R3HDM1: variants seen among roughly 807,000 people sequenced by gnomAD.
R3HDM1 encodes the protein R3H domain containing 1, also known as R3H domain-containing protein 1.
A neutral mutation model predicts 141.1 loss-of-function variants in R3HDM1; 46 were observed. The ratio of observed to expected loss-of-function variants is 0.33; its 90% CI spans 0.26 to 0.42. The LOEUF (loss-of-function observed/expected upper bound fraction) is 0.42, where lower values mean the gene tolerates loss of function less well. Ranked by LOEUF, R3HDM1 falls within the 10% of genes least tolerant of loss-of-function variation. R3HDM1 has a pLI of 1.00. For missense variants in R3HDM1, 1,184 were observed against 1,368.3 expected (o/e 0.87, Z 2.12); for synonymous variants, 435 against 472.9 (o/e 0.92, Z 1.04).
chr2:135,613,282 G>C (rs1450353624), intron 3 of R3HDM1, among the ~76,000 whole-genome samples: 1 of 152,024 alleles, frequency 6.6e-6, no homozygotes. Flanking sequence ...TTTTTGGCTG[G>C]TTGTCAGTAA....
At chr2:135,658,286 C>T (rs1186289907) in intron 18 of R3HDM1, among the ~76,000 whole-genome samples, 1 of 152,164 alleles carries the variant, frequency 6.6e-6, no homozygotes, top group Non-Finnish European at 1.5e-5. Context: ...CTGCCTCAGC[C>T]CCCCGAGTAC....
intron 1 of R3HDM1, among the ~76,000 whole-genome samples, chr2:135,558,011 A>T (rs573571345): frequency 7.2e-5 from 11 of 152,344 alleles, no homozygotes; most frequent in South Asian, 6.2e-4. Context: ...GTATTTTAAG[A>T]GATACAGTGG....
chr2:135,582,677 G>A (rs1048108380), intron 1 of R3HDM1, among the ~76,000 whole-genome samples: 1 of 152,100 alleles, frequency 6.6e-6, no homozygotes, highest in Non-Finnish European at 1.5e-5. Flanking sequence ...AACATCCTCT[G>A]CAGTCTATTT....
At chr2:135,532,946 A>G (rs1695245796) in intron 1 of R3HDM1, among the ~76,000 whole-genome samples, 1 of 152,264 alleles carries the variant, frequency 6.6e-6, no homozygotes, top group African/African-American at 2.4e-5. Context: ...GATCAGAGAT[A>G]AAATTCTAGG....
At chr2:135,691,481 G>T (rs567966520) in intron 21 of R3HDM1, among the ~76,000 whole-genome samples, 11 of 152,092 alleles carry the variant, frequency 7.2e-5, no homozygotes, top group Admixed American at 2.0e-4. Flanking sequence ...GGGCGTGGTA[G>T]CTCATACCTG....
chr2:135,655,740 C>T (rs375020298), intron 18 of R3HDM1, among the ~76,000 whole-genome samples: 2 of 151,968 alleles, frequency 1.3e-5, no homozygotes, highest in Non-Finnish European at 2.9e-5. Context: ...GTGATCCGCC[C>T]GCCTCGGCCT....
intron 23 of R3HDM1, 97 bp downstream of exon 23, chr2:135,710,328 T>C: frequency 7.5e-7 from 1 of 1,339,106 alleles, no homozygotes; most frequent in Non-Finnish European, 1.0e-6. Flanking sequence ...TCAGCCAGAT[T>C]AATAAAAGAA....
chr2:135,581,088 G>A (rs1706704038), intron 1 of R3HDM1: 1 of 661,150 alleles, frequency 1.5e-6, no homozygotes, highest in Non-Finnish European at 1.9e-6. Flanking sequence ...ACCATCTATG[G>A]TATGAAGAAT....
intron 24 of R3HDM1, among the ~76,000 whole-genome samples, chr2:135,720,731 C>T (rs1007620407): frequency 6.6e-6 from 1 of 152,118 alleles, no homozygotes; most frequent in African/African-American, 2.4e-5. Context: ...GACTTAAGAC[C>T]TAGGATGTAC....
chr2:135,599,693 A>G (rs1300531689), intron 1 of R3HDM1, among the ~76,000 whole-genome samples: 1 of 152,212 alleles, frequency 6.6e-6, no homozygotes, highest in Non-Finnish European at 1.5e-5. Context: ...AAGCTGAAAC[A>G]TCCCTTTTAC....
chr2:135,534,058 G>A, intron 1 of R3HDM1: 2 of 981,750 alleles, frequency 2.0e-6, no homozygotes, highest in Non-Finnish European at 2.4e-6. Context: ...GAGTACCATG[G>A]GTGTATTAAT....
In R3HDM1 at chr2:135,710,051, A is replaced by ATTT; in HGVS notation, c.2564-6_2564-4dup. 1 of 1,612,212 alleles carries ATTT rather than the reference A, an allele frequency of 6.2e-7. No individual in the cohort carries two copies. ...TCTGACTATAGCATCCTAAATTCTG[A>ATTT]TTTTCAGCTGGACCACCACCGCCAC... is the stretch of plus-strand genomic sequence containing the variant. On this transcript the variant is annotated splice_region_variant and splice_polypyrimidine_tract_variant and intron_variant, in intron 22 of 26. Coordinates refer to ENST00000683871, the MANE Select transcript of R3HDM1 (RefSeq NM_001378107.1).
chr2:135,657,452 T>TA (rs1416760837), intron 18 of R3HDM1, among the ~76,000 whole-genome samples: 6 of 149,260 alleles, frequency 4.0e-5, no homozygotes, highest in Admixed American at 4.0e-4. Flanking sequence ...TAAAGGAAAA[T>TA]ACCTAAACTC....
At chr2:135,542,513 C>T (rs940079132) in intron 1 of R3HDM1, among the ~76,000 whole-genome samples, 6 of 152,030 alleles carry the variant, frequency 3.9e-5, no homozygotes, top group South Asian at 2.1e-4. Context: ...TTTAACTCCT[C>T]GTCATTTAAA....
intron 16 of R3HDM1, among the ~76,000 whole-genome samples, chr2:135,646,069 C>G (rs571421188): frequency 6.6e-6 from 1 of 152,072 alleles, no homozygotes; most frequent in Non-Finnish European, 1.5e-5. Flanking sequence ...GTCTTTTTCC[C>G]CTACAGTTGT....
chr2:135,598,920 G>C (rs2059404092), intron 1 of R3HDM1, among the ~76,000 whole-genome samples: 1 of 151,872 alleles, frequency 6.6e-6, no homozygotes, highest in African/African-American at 2.4e-5. Context: ...TGTATCATCT[G>C]CCTTTTGTTT....
intron 1 of R3HDM1, chr2:135,590,444 T>A (rs1709002596): frequency 1.6e-6 from 1 of 628,768 alleles, no homozygotes; most frequent in South Asian, 7.1e-5. Flanking sequence ...TGAGCTCCAA[T>A]GAGACAATTG....
chr2:135,663,514 C>G (rs2067036832), intron 19 of R3HDM1, among the ~76,000 whole-genome samples: 1 of 152,074 alleles, frequency 6.6e-6, no homozygotes, highest in African/African-American at 2.4e-5. Context: ...GGAATAAATC[C>G]TCAAAGCATT....
At chr2:135,681,062 A>G (rs1407668906) in intron 21 of R3HDM1, among the ~76,000 whole-genome samples, 2 of 152,224 alleles carry the variant, frequency 1.3e-5, no homozygotes, top group African/African-American at 4.8e-5. Flanking sequence ...AAGAGAAGTA[A>G]ATGATAGTAG....
Sources: gnomAD v4.1 joint callset for allele counts (sites outside exome capture counted in the v4.1 genomes callset) on GRCh38, gnomAD v4.1.1 for gene constraint, MANE v1.5 for transcripts, NCBI Gene and HGNC (gene_info 2026-07-23, HGNC 2026-07-21) for gene names.